Variants in SV2B observed in about 807,000 individuals in gnomAD.
SV2B encodes the protein synaptic vesicle glycoprotein 2B, also known as solute carrier family 22 member B2.
Under a neutral mutation model 73.9 loss-of-function variants are expected in SV2B, and 41 were observed. The observed-to-expected ratio is 0.56, with a 90% confidence interval of 0.43 to 0.72. The LOEUF (loss-of-function observed/expected upper bound fraction) is 0.72, where lower values mean the gene tolerates loss of function less well. SV2B is among the 30% of genes least tolerant of loss of function. The pLI is 0.00. For synonymous variants in SV2B, 314 were observed against 314.2 expected, an observed-to-expected ratio of 1.00 and a Z score of 0.01; for missense variants, 764 against 857.8, an observed-to-expected ratio of 0.89 and a Z score of 1.37.
At position 91,224,161 on chromosome 15, in the gene SV2B, G is replaced by C. The variant is rs761662061; in HGVS notation, c.-391-1712G>C. Among the ~76,000 whole-genome samples, 1 of 152,230 alleles carries C rather than the reference G, an allele frequency of 6.6e-6. No individual in the cohort carries two copies. Among genetic ancestry groups the C allele is most frequent in the Non-Finnish European group, 1.5e-5 (1 of 68,034 alleles). ...AGGGCCCAGGGATGGGCTGTGGGCA[G>C]AGGGAGGAGTCAAGTAGCCATGGTG... is the stretch of plus-strand genomic sequence containing the variant. On this transcript the variant is annotated intron_variant, in intron 1 of 12. Transcript: ENST00000394232. This position sits in a 1 kb window ranked among gnomAD's most constrained non-coding sequence, Gnocchi z 4.9.
rs1300651525 is a variant in SV2B at position 91,280,295 on chromosome 15, C to T, written c.1374-1433C>T. Among the ~76,000 whole-genome samples, 1 of 152,150 alleles carries T rather than the reference C, an allele frequency of 6.6e-6. No individual in the cohort carries two copies. On this transcript the variant is annotated intron_variant, in intron 9 of 12. Coordinates refer to ENST00000394232, the MANE Select transcript of SV2B (RefSeq NM_001323032.3). The surrounding 1 kb of genome is among the most constrained non-coding windows in gnomAD (Gnocchi z 5.8). The stretch of plus-strand genomic sequence containing the variant: ...GGTCATGGAGTGAATTATTTGGTGG[C>T]CCTTTTGAAAAGGAACAATGGCCAT...
At chr15:91,145,445 A>G (rs1320460846) in intron 1 of SV2B, among the ~76,000 whole-genome samples, 1 of 152,224 alleles carries the variant, frequency 6.6e-6, no homozygotes. Context: ...TGCTGCAATG[A>G]ACATACATGT....
chr15:91,287,077 C>T (rs1336075760), intron 11 of SV2B, among the ~76,000 whole-genome samples: 2 of 152,156 alleles, frequency 1.3e-5, no homozygotes, highest in African/African-American at 2.4e-5. Context: ...CCTGTAGATG[C>T]CAGTTTCCCC....
rs2042563233 is a variant in SV2B, at chr15:91,128,857, TC to T, written c.-392+28496del. On this transcript the variant is annotated intron_variant, in intron 1 of 12. Transcript: ENST00000394232. The surrounding 1 kb of genome is among the most constrained non-coding windows in gnomAD (Gnocchi z 4.2). ...ACTTAGTCATGAGCACTAGATCCTA[TC>T]CTTTTTGTCCAATCATATTTCTCCA... 6.6e-6 allele frequency: 1 copy of T among 152,258 alleles called. No homozygotes were observed. Among genetic ancestry groups the T allele is most frequent in the Non-Finnish European group, 1.5e-5 (1 of 68,062 alleles). 9.4% of individuals were successfully genotyped at this position (152,258 alleles called of 1,614,324 possible). A position where few individuals can be genotyped will look rare whatever the true frequency, so the allele number is the denominator to read the frequency against.
rs2047770711 is a variant in SV2B at position 91,258,208 on chromosome 15, A to C, written c.785-213A>C. On this transcript the variant is annotated intron_variant, in intron 4 of 12. Transcript: ENST00000394232. This position sits in a 1 kb window ranked among gnomAD's most constrained non-coding sequence, Gnocchi z 4.7. ...CAGAATGCAGAATTTGCAATGTGAG[A>C]AATATCATTTTGCAGATTTGTCAAG... 6.6e-6 allele frequency among the ~76,000 whole-genome samples: 1 copy of C among 152,218 alleles called. No individual in the cohort carries two copies. Among genetic ancestry groups the C allele is most frequent in the Non-Finnish European group, 1.5e-5 (1 of 68,038 alleles).
At chr15:91,249,713 A>T (rs191434396) in intron 2 of SV2B, among the ~76,000 whole-genome samples, 2 of 152,372 alleles carry the variant, frequency 1.3e-5, no homozygotes, top group Admixed American at 1.3e-4. Context: ...AATATGAAGG[A>T]TCACAGGAGA....
rs1002806212 is a variant in SV2B, at chr15:91,137,904, A to G, written c.-392+37541A>G. Among the ~76,000 whole-genome samples the G allele has an allele frequency of 6.6e-6, 1 of 152,132 alleles. No individual in the cohort carries two copies. The highest frequency in any genetic ancestry group is 1.5e-5 in the Non-Finnish European group (1 of 68,024). On this transcript the variant is annotated intron_variant, in intron 1 of 12. Transcript: ENST00000394232. The surrounding 1 kb of genome is among the most constrained non-coding windows in gnomAD (Gnocchi z 4.9). ...TTACTTTGCCTTTCCAATACAAACT[A>G]TATCTCAGGACAACCAAATGATAGA...
rs530835855 is a variant in SV2B at position 91,265,514 on chromosome 15, T to A, written c.1009-1068T>A. Among the ~76,000 whole-genome samples the A allele has an allele frequency of 6.0e-4, 91 of 152,356 alleles. No individual in the cohort carries two copies. The highest frequency in any genetic ancestry group is 3.9e-4 in the East Asian group (2 of 5,188). On this transcript the variant is annotated intron_variant, in intron 6 of 12. Transcript: ENST00000394232. The surrounding 1 kb of genome is among the most constrained non-coding windows in gnomAD (Gnocchi z 4.2). ...AAGGAAAAACTGACATTTGAGAGGA[T>A]ATCTTAAGGCTTTGGGGTGTGGTTT...
At chr15:91,101,377 T>C (rs75954521) in intron 1 of SV2B, among the ~76,000 whole-genome samples, 3,730 of 152,196 alleles carry the variant, frequency 0.025, 60 homozygotes, top group East Asian at 0.071. Context: ...TTCCAGTTGG[T>C]GCAGTAGGTA....
chr15:91,151,589 A>G (rs1402493570), intron 1 of SV2B, among the ~76,000 whole-genome samples: 1 of 152,266 alleles, frequency 6.6e-6, no homozygotes, highest in Non-Finnish European at 1.5e-5. Context: ...ACAGTTTTCA[A>G]GAAGGCTAAA....
At position 91,298,633 on chromosome 15, in the gene SV2B, A is replaced by G. The variant is rs913704032; in HGVS notation, c.*6081A>G. On this transcript the variant is annotated 3_prime_UTR_variant, in exon 13 of 13. Coordinates refer to ENST00000394232, the MANE Select transcript of SV2B (RefSeq NM_001323032.3). This position sits in a 1 kb window ranked among gnomAD's most constrained non-coding sequence, Gnocchi z 5.4. Reference sequence around the variant, plus strand: ...AGGTTCAGTTTATGAGCTGGAGCACAAGGATTTACTGTCATTTCACCTGAA... The same window carrying G: ...AGGTTCAGTTTATGAGCTGGAGCACGAGGATTTACTGTCATTTCACCTGAA... 2.0e-5 allele frequency: 3 copies of G among 152,236 alleles called. No homozygotes were observed. The highest frequency in any genetic ancestry group is 1.9e-4 in the East Asian group (1 of 5,200). The allele number at this position is 152,236 out of a possible 1,614,324, so 9.4% of individuals were successfully genotyped here. A position where few individuals can be genotyped will look rare whatever the true frequency, so the allele number is the denominator to read the frequency against.
intron 1 of SV2B, among the ~76,000 whole-genome samples, chr15:91,101,176 C>T (rs1302591173): frequency 6.6e-6 from 1 of 152,132 alleles, no homozygotes; most frequent in East Asian, 1.9e-4. Context: ...GGAATGCTTG[C>T]TGGCTTTCTA....
intron 1 of SV2B, among the ~76,000 whole-genome samples, chr15:91,211,334 T>C (rs957106012): frequency 6.6e-6 from 1 of 152,056 alleles, no homozygotes; most frequent in Non-Finnish European, 1.5e-5. Flanking sequence ...GGATCATGGG[T>C]GTGTGGCCTT....
At chr15:91,255,535 A>T (rs1263266257) in intron 4 of SV2B, among the ~76,000 whole-genome samples, 1 of 152,164 alleles carries the variant, frequency 6.6e-6, no homozygotes, top group Non-Finnish European at 1.5e-5. Flanking sequence ...TGCTTGGGTG[A>T]TGGGTGTACC....
In SV2B at chr15:91,227,535, A is replaced by G. The variant is rs77497095; in HGVS notation, c.451+821A>G. On this transcript the variant is annotated intron_variant, in intron 2 of 12. Coordinates refer to ENST00000394232, the MANE Select transcript of SV2B (RefSeq NM_001323032.3). This position sits in a 1 kb window ranked among gnomAD's most constrained non-coding sequence, Gnocchi z 4.5. Reference sequence around the variant, plus strand: ...TTAGAGTCTATGAAATTAATTGTGCAGCAAACATGTAGTTATGAGAACTAA... The same window carrying G: ...TTAGAGTCTATGAAATTAATTGTGCGGCAAACATGTAGTTATGAGAACTAA... Among the ~76,000 whole-genome samples the G allele has an allele frequency of 0.011, 1,667 of 152,362 alleles. 42 individuals are homozygous for G. The East Asian group carries it at 0.12, about 11-fold the overall frequency.
At chr15:91,262,530 G>T (rs2047945822) in intron 6 of SV2B, among the ~76,000 whole-genome samples, 1 of 152,044 alleles carries the variant, frequency 6.6e-6, no homozygotes, top group African/African-American at 2.4e-5. Context: ...GTGTGTCACG[G>T]GGGTTTGTTG....
Position 91,244,772 on chromosome 15 carries a change from G to A in SV2B, c.452-7047G>A, listed in dbSNP as rs377089065. 3.9e-4 allele frequency among the ~76,000 whole-genome samples: 60 copies of A among 152,308 alleles called. 1 individual carries two copies. The South Asian group carries it at 0.012, about 31-fold the overall frequency. On this transcript the variant is annotated intron_variant, in intron 2 of 12. Transcript: ENST00000394232. ...CCCTTCAAGGGGGGTATATTTGGTT[G>A]AGTAATAAATAAATGGAATGGAAAT...
intron 1 of SV2B, among the ~76,000 whole-genome samples, chr15:91,211,691 A>T (rs1305392506): frequency 6.6e-6 from 1 of 150,858 alleles, no homozygotes; most frequent in Admixed American, 6.6e-5. Context: ...TTTAGTAGAG[A>T]CAGGGTTTCA....
Position 91,231,801 on chromosome 15 carries a change from G to A in SV2B, c.451+5087G>A, listed in dbSNP as rs1299902949. ...TTTTATTGGCTGTTAGTTTCTTGCC[G>A]TCTGCAGTGAAAAGACTCTGGGAGT... On this transcript the variant is annotated intron_variant, in intron 2 of 12. Coordinates refer to ENST00000394232, the MANE Select transcript of SV2B (RefSeq NM_001323032.3). This position sits in a 1 kb window ranked among gnomAD's most constrained non-coding sequence, Gnocchi z 4.5. 2.6e-5 allele frequency among the ~76,000 whole-genome samples: 4 copies of A among 152,124 alleles called. No individual in the cohort carries two copies. The highest frequency in any genetic ancestry group is 4.4e-5 in the Non-Finnish European group (3 of 68,024).
Sources: allele counts gnomAD v4.1 joint callset (sites outside exome capture counted in the v4.1 genomes callset), GRCh38; gene constraint gnomAD v4.1.1; non-coding constraint Gnocchi (gnomAD v3.1); transcripts MANE v1.5; gene names NCBI Gene and HGNC (gene_info 2026-07-23, HGNC 2026-07-21).